The following EML5 variants were observed in gnomAD, a reference collection of about 807,000 sequenced individuals.
EML5 encodes EMAP like 5, also known as echinoderm microtubule-associated protein-like 5.
In EML5, 120 loss-of-function variants were observed where a neutral mutation model predicts 250.0. The observed-to-expected ratio is 0.48, with a 90% CI of 0.41 to 0.56. EML5 has a LOEUF of 0.56. EML5 is among the 20% of genes least tolerant of loss of function. The pLI is 0.00. For missense variants in EML5, 2,006 were observed against 2,437.6 expected (o/e 0.82, Z 3.73); for synonymous variants, 771 against 806.5 (o/e 0.96, Z 0.75).
intron 22 of EML5, 125 bp downstream of exon 22, chr14:88,665,212 C>G: frequency 9.8e-7 from 1 of 1,023,548 alleles, no homozygotes; most frequent in Non-Finnish European, 1.4e-6. Flanking sequence ...TCTTGCTACA[C>G]TGCCTCTTCT....
At chr14:88,657,344 TTTC>T in intron 27 of EML5, 29 bp downstream of exon 27, 1 of 1,523,046 alleles carries the variant, frequency 6.6e-7, no homozygotes, top group Non-Finnish European at 8.8e-7. Flanking sequence ...ACAATATCTT[TTTC>T]TTCATCTAAT....
chr14:88,707,231 G>A (rs1289774113), intron 10 of EML5, among the ~76,000 whole-genome samples: 2 of 151,804 alleles, frequency 1.3e-5, no homozygotes, highest in Non-Finnish European at 2.9e-5. Context: ...TAACTTTGTG[G>A]TTAATTTTCT....
At chr14:88,763,165 G>A (rs1283119588) in intron 1 of EML5, among the ~76,000 whole-genome samples, 1 of 152,058 alleles carries the variant, frequency 6.6e-6, no homozygotes, top group African/African-American at 2.4e-5. Flanking sequence ...GATCACAGCA[G>A]AACTGAAGGA....
intron 8 of EML5, among the ~76,000 whole-genome samples, chr14:88,715,760 C>A (rs985953712): frequency 2.0e-5 from 3 of 151,468 alleles, no homozygotes; most frequent in African/African-American, 7.3e-5. Flanking sequence ...GGGGATCAAG[C>A]GATTCTCACC....
intron 35 of EML5, chr14:88,626,371 C>T: frequency 6.3e-6 from 1 of 158,800 alleles, no homozygotes; most frequent in Non-Finnish European, 1.4e-5. Context: ...CCTGTAAACC[C>T]AGCACTTTGG....
Position 88,613,416 on chromosome 14 carries a change from CTCAG to C in EML5, c.*2398_*2401del, listed in dbSNP as rs1235682280. 1.3e-5 allele frequency: 2 copies of C among 152,000 alleles called. No individual in the cohort carries two copies. The highest frequency in any genetic ancestry group is 2.9e-5 in the Non-Finnish European group (2 of 67,990). 9.4% of individuals were successfully genotyped at this position (152,000 alleles called of 1,614,324 possible). A position where few individuals can be genotyped will look rare whatever the true frequency, so the allele number is the denominator to read the frequency against. On this transcript the variant is annotated 3_prime_UTR_variant, in exon 44 of 44. Coordinates refer to ENST00000554922, the MANE Select transcript of EML5 (RefSeq NM_183387.3). ...TATCATTTATAAAGATAGTTTTGTTCTCAGTTTCACTATAAATTATAGAACAAAT... is the reference window on the plus strand; with the variant it reads ...TATCATTTATAAAGATAGTTTTGTTCTTTCACTATAAATTATAGAACAAAT...
chr14:88,740,374 T>A lies in EML5; in HGVS notation c.711+13A>T. 6.3e-7 allele frequency: 1 copy of A among 1,597,634 alleles called. No homozygotes were observed. The highest frequency in any genetic ancestry group is 8.5e-7 in the Non-Finnish European group (1 of 1,171,824). On this transcript the variant is annotated intron_variant, in intron 5 of 43. Coordinates refer to ENST00000554922, the MANE Select transcript of EML5 (RefSeq NM_183387.3). ...TACACATGAAAGTGTTTAAAATACT[T>A]AAATGTACTTACAGCATGGGCTCCT...
rs60164768 is a variant in EML5, at chr14:88,698,265, C to CTTTT, written c.2239-1317_2239-1314dup. On this transcript the variant is annotated intron_variant, in intron 14 of 43. Transcript: ENST00000554922. ...TACTCTCTTCTGGTTCTCCAGTTTCCTTTTTTTTTTTTTTTTTTGAGACAA... is the reference window on the plus strand; with the variant it reads ...TACTCTCTTCTGGTTCTCCAGTTTCCTTTTTTTTTTTTTTTTTTTTTTGAGACAA... 1.3e-3 allele frequency among the ~76,000 whole-genome samples: 150 copies of CTTTT among 119,928 alleles called. 4 individuals carry two copies. The highest frequency in any genetic ancestry group is 4.7e-3 in the African/African-American group (143 of 30,520). The allele number at this position is 119,928 out of a possible 152,430, so 78.7% of individuals were successfully genotyped here. A position where few individuals can be genotyped will look rare whatever the true frequency, so the allele number is the denominator to read the frequency against.
At chr14:88,718,174 T>G (rs559953107) in intron 8 of EML5, among the ~76,000 whole-genome samples, 17 of 152,218 alleles carry the variant, frequency 1.1e-4, no homozygotes, top group African/African-American at 4.1e-4. Context: ...TATCATGAGT[T>G]CAGTTTTGGA....
chr14:88,614,582 A>G lies in EML5; in HGVS notation c.*1236T>C, dbSNP rs2087303944. ...AACACATTAAAAACTCATAGGGTCA[A>G]TACAGCATCTTAAACCTCACACTTA... is the stretch of plus-strand genomic sequence containing the variant. On this transcript the variant is annotated 3_prime_UTR_variant, in exon 44 of 44. Transcript: ENST00000554922. 2.0e-5 allele frequency: 3 copies of G among 152,350 alleles called. No homozygotes were observed. Among genetic ancestry groups the G allele is most frequent in the South Asian group, 2.1e-4 (1 of 4,828 alleles). The allele number at this position is 152,350 out of a possible 1,614,324, so 9.4% of individuals were successfully genotyped here. A position where few individuals can be genotyped will look rare whatever the true frequency, so the allele number is the denominator to read the frequency against.
intron 27 of EML5, among the ~76,000 whole-genome samples, chr14:88,654,431 C>A (rs1305573171): frequency 6.6e-6 from 1 of 152,170 alleles, no homozygotes; most frequent in Admixed American, 6.5e-5. Flanking sequence ...TATACATTTC[C>A]CTCTAAAGAC....
chr14:88,722,308 T>C (rs1416851784), intron 8 of EML5, among the ~76,000 whole-genome samples: 1 of 152,198 alleles, frequency 6.6e-6, no homozygotes, highest in Non-Finnish European at 1.5e-5. Context: ...CAAAGATGCA[T>C]GCATGTGTAT....
At chr14:88,663,211 T>A in intron 23 of EML5, 92 bp from the exon 24 acceptor site, 1 of 830,522 alleles carries the variant, frequency 1.2e-6, no homozygotes, top group South Asian at 2.9e-5. Flanking sequence ...TGGGAAAAAA[T>A]CAGCTTAAAT....
chr14:88,686,279 T>C (rs1377447985), intron 19 of EML5, among the ~76,000 whole-genome samples: 5 of 152,114 alleles, frequency 3.3e-5, no homozygotes, highest in Non-Finnish European at 7.4e-5. Context: ...TGTGGTGCTA[T>C]GCCTTAAAGG....
At chr14:88,621,419 T>A in intron 37 of EML5, 118 bp from the exon 38 acceptor site, 1 of 1,179,488 alleles carries the variant, frequency 8.5e-7, no homozygotes, top group Non-Finnish European at 1.2e-6. Flanking sequence ...TGAGCTAATC[T>A]AGTAGCAAGG....
chr14:88,660,762 G>GA (rs772493646), intron 25 of EML5, among the ~76,000 whole-genome samples: 9 of 142,774 alleles, frequency 6.3e-5, no homozygotes, highest in Admixed American at 6.9e-5. Flanking sequence ...AAAGAAAAAA[G>GA]AAAAAAAAAA....
chr14:88,703,983 T>C (rs1210395564), intron 13 of EML5, among the ~76,000 whole-genome samples: 2 of 152,210 alleles, frequency 1.3e-5, no homozygotes, highest in East Asian at 1.9e-4. Flanking sequence ...CCACATAATG[T>C]TGTAAGTCAC....
At chr14:88,771,327 C>T (rs1374921693) in intron 1 of EML5, among the ~76,000 whole-genome samples, 1 of 152,182 alleles carries the variant, frequency 6.6e-6, no homozygotes, top group East Asian at 1.9e-4. Context: ...ACTTCATTCC[C>T]ATGAAATTCA....
chr14:88,662,339 GTTTTTTTTTTTT>G lies in EML5; in HGVS notation c.3499-521_3499-510del, dbSNP rs71127000. On this transcript the variant is annotated intron_variant, in intron 24 of 43. Transcript: ENST00000554922. ...CACAAAATGCAACACAATTTTTCTT[GTTTTTTTTTTTT>G]TTTTTTTTTTTTTTTAAAGAAGCAA... Among the ~76,000 whole-genome samples, 6 of 55,658 alleles carry G rather than the reference GTTTTTTTTTTTT, an allele frequency of 1.1e-4. No homozygotes were observed. In the East Asian group the frequency reaches 2.1e-3, roughly 19 times the overall value. The allele number at this position is 55,658 out of a possible 152,430, so 36.5% of individuals were successfully genotyped here. A position where few individuals can be genotyped will look rare whatever the true frequency, so the allele number is the denominator to read the frequency against.
Sources: gnomAD v4.1 joint callset for allele counts (sites outside exome capture counted in the v4.1 genomes callset) on GRCh38, gnomAD v4.1.1 for gene constraint, MANE v1.5 for transcripts, NCBI Gene and HGNC (gene_info 2026-07-23, HGNC 2026-07-21) for gene names.